WDR27: variants seen among roughly 807,000 people sequenced by gnomAD.
WDR27 encodes the protein WD repeat domain 27, also known as WD repeat-containing protein 27.
A neutral mutation model predicts 114.4 loss-of-function variants in WDR27; 100 were observed. The ratio of observed to expected loss-of-function variants is 0.87; its 90% CI spans 0.74 to 1.03. WDR27 has a LOEUF of 1.03. WDR27 is among the 50% of genes least tolerant of loss of function. WDR27 has a pLI of 0.00. For synonymous variants in WDR27, 449 were observed against 423.1 expected, an observed-to-expected ratio of 1.06 and a Z score of -0.75; for missense variants, 1,129 against 1,092.9, an observed-to-expected ratio of 1.03 and a Z score of -0.47.
At chr6:169,592,138 A>G (rs553175155) in intron 23 of WDR27, among the ~76,000 whole-genome samples, 1 of 152,264 alleles carries the variant, frequency 6.6e-6, no homozygotes, top group African/African-American at 2.4e-5. Context: ...AGTTCTCCTC[A>G]TCATCATGTT....
intron 21 of WDR27, among the ~76,000 whole-genome samples, chr6:169,621,484 GCA>G (rs972297889): frequency 1.3e-4 from 19 of 146,968 alleles, no homozygotes; most frequent in African/African-American, 3.0e-4. Context: ...ACATGTGCAT[GCA>G]CACATATACA....
intron 4 of WDR27, chr6:169,669,565 A>G (rs1401380681): frequency 6.6e-6 from 1 of 152,182 alleles, no homozygotes; most frequent in Non-Finnish European, 1.5e-5. Flanking sequence ...TTCTTTGCAC[A>G]TTAATGGTAG....
At chr6:169,677,740 G>A (rs909452528) in intron 2 of WDR27, among the ~76,000 whole-genome samples, 34 of 152,258 alleles carry the variant, frequency 2.2e-4, no homozygotes, top group African/African-American at 8.2e-4. Context: ...AGGAAAGAAT[G>A]GTTTTGACGG....
chr6:169,504,589 C>T (rs1025736911), intron 25 of WDR27, among the ~76,000 whole-genome samples: 1 of 152,128 alleles, frequency 6.6e-6, no homozygotes, highest in African/African-American at 2.4e-5. Context: ...AGCATGAGAA[C>T]AGACTAATAT....
At position 169,536,274 on chromosome 6, in the gene WDR27, G is replaced by A. The variant is rs113798122; in HGVS notation, c.2645+36145C>T. Among the ~76,000 whole-genome samples the A allele has an allele frequency of 6.2e-3, 941 of 152,286 alleles. 13 individuals are homozygous for A. The highest frequency in any genetic ancestry group is 0.022 in the African/African-American group (907 of 41,554). On this transcript the variant is annotated intron_variant, in intron 25 of 25. Coordinates refer to ENST00000448612, the MANE Select transcript of WDR27 (RefSeq NM_182552.5). ...TATATAAGGACCACATCTGATATGAGCCTTGCATAACAGCAAGGACACCCC... is the reference window on the plus strand; with the variant it reads ...TATATAAGGACCACATCTGATATGAACCTTGCATAACAGCAAGGACACCCC...
At chr6:169,511,367 A>C (rs1792838290) in intron 25 of WDR27, among the ~76,000 whole-genome samples, 1 of 152,202 alleles carries the variant, frequency 6.6e-6, no homozygotes, top group Non-Finnish European at 1.5e-5. Flanking sequence ...TTGTGTGAAG[A>C]GACGTTTTCA....
chr6:169,457,318 G>C lies in WDR27; in HGVS notation c.*274C>G, dbSNP rs1350496815. 1 of 331,758 alleles carries C rather than the reference G, an allele frequency of 3.0e-6. No individual in the cohort carries two copies. Among genetic ancestry groups the C allele is most frequent in the Non-Finnish European group, 5.5e-6 (1 of 182,418 alleles). The allele number at this position is 331,758 out of a possible 1,614,324, so 20.6% of individuals were successfully genotyped here. On this transcript the variant is annotated 3_prime_UTR_variant, in exon 26 of 26. Coordinates refer to ENST00000448612, the MANE Select transcript of WDR27 (RefSeq NM_182552.5). ...ATTATGTTTTATTGAAAGATATTTTGTTTTAACTTTACCAAATTCTGTGCA... is the reference window on the plus strand; with the variant it reads ...ATTATGTTTTATTGAAAGATATTTTCTTTTAACTTTACCAAATTCTGTGCA...
chr6:169,444,123 T>C, the WDR27 span, among the ~76,000 whole-genome samples: 2 of 152,102 alleles, frequency 1.3e-5, no homozygotes, highest in Non-Finnish European at 2.9e-5. Context: ...CAAATGGCCA[T>C]GATTCCATCC....
At chr6:169,536,507 T>C (rs1796204772) in intron 25 of WDR27, among the ~76,000 whole-genome samples, 1 of 152,208 alleles carries the variant, frequency 6.6e-6, no homozygotes, top group Admixed American at 6.5e-5. Context: ...CTAATGAAAC[T>C]GGTCTTATTC....
At chr6:169,465,130 T>A (rs1000473063) in intron 25 of WDR27, among the ~76,000 whole-genome samples, 1 of 152,104 alleles carries the variant, frequency 6.6e-6, no homozygotes, top group African/African-American at 2.4e-5. Context: ...TGGGGGCGCA[T>A]GCCTGTAATC....
intron 25 of WDR27, among the ~76,000 whole-genome samples, chr6:169,552,271 A>G (rs1157049547): frequency 6.6e-6 from 1 of 152,134 alleles, no homozygotes; most frequent in Non-Finnish European, 1.5e-5. Context: ...GTTTAGCCAT[A>G]GAACCCGTGG....
chr6:169,670,931 G>A (rs1383179696), intron 3 of WDR27: 5 of 484,288 alleles, frequency 1.0e-5, no homozygotes, highest in Admixed American at 3.5e-5. Flanking sequence ...GAAACACGAA[G>A]ATGCCTTTCT....
chr6:169,488,441 C>T (rs978234970), intron 25 of WDR27, among the ~76,000 whole-genome samples: 1 of 152,174 alleles, frequency 6.6e-6, no homozygotes, highest in African/African-American at 2.4e-5. Flanking sequence ...ATTTTAAGAT[C>T]ATGTCTTATC....
intron 25 of WDR27, among the ~76,000 whole-genome samples, chr6:169,543,141 A>G (rs1231464461): frequency 6.6e-6 from 1 of 152,146 alleles, no homozygotes; most frequent in African/African-American, 2.4e-5. Flanking sequence ...ATCTGGGTAA[A>G]ATATATAGTA....
chr6:169,700,070 G>A (rs1479294581), intron 1 of WDR27, among the ~76,000 whole-genome samples: 2 of 152,174 alleles, frequency 1.3e-5, no homozygotes, highest in Non-Finnish European at 2.9e-5. Context: ...CTCCACCCCA[G>A]CATCACTTCA....
chr6:169,435,854 T>G, the WDR27 span, among the ~76,000 whole-genome samples: 2 of 152,182 alleles, frequency 1.3e-5, no homozygotes, highest in Admixed American at 1.3e-4. Context: ...TTTTGAAATG[T>G]GAGGACATGA....
In WDR27 at chr6:169,649,292, C is replaced by CATTA; in HGVS notation, c.1482-18_1482-17insTAAT. 1 of 1,547,524 alleles carries CATTA rather than the reference C, an allele frequency of 6.5e-7. No homozygotes were observed. The highest frequency in any genetic ancestry group is 1.2e-5 in the South Asian group (1 of 84,212). ...ATAGTTACACTGTGGAAAGAAAACT[C>CATTA]TAATATCACTCTCAAATATTAAGAG... On this transcript the variant is annotated splice_polypyrimidine_tract_variant and intron_variant, in intron 14 of 25. Transcript: ENST00000448612.
intron 25 of WDR27, among the ~76,000 whole-genome samples, chr6:169,525,599 C>T (rs544789411): frequency 4.8e-4 from 72 of 150,730 alleles, no homozygotes; most frequent in Admixed American, 9.3e-4. Flanking sequence ...ATGACATATG[C>T]GGGCAAGGAT....
chr6:169,690,965 C>G (rs1014706933), intron 1 of WDR27, among the ~76,000 whole-genome samples: 1 of 152,186 alleles, frequency 6.6e-6, no homozygotes, highest in South Asian at 2.1e-4. Flanking sequence ...CCTGTAATCC[C>G]AGCACTTTGG....
Sources: gnomAD v4.1 joint callset for allele counts (sites outside exome capture counted in the v4.1 genomes callset) on GRCh38, gnomAD v4.1.1 for gene constraint, MANE v1.5 for transcripts, NCBI Gene and HGNC (gene_info 2026-07-23, HGNC 2026-07-21) for gene names.